ATP6V0A1: variants seen among roughly 807,000 people sequenced by gnomAD.
ATP6V0A1 encodes V-type proton ATPase 116 kDa subunit a 1.
ATP6V0A1 carries 43 observed loss-of-function variants against 105.4 expected under a neutral mutation model. The observed-to-expected ratio is 0.41, with a 90% CI of 0.32 to 0.53. The LOEUF is 0.53. Among genes scored for constraint, ATP6V0A1 ranks in the 20% least tolerant of loss-of-function variants. The pLI is 0.30. For synonymous variants in ATP6V0A1, 362 were observed against 372.8 expected (o/e 0.97, Z 0.33); for missense variants, 676 against 1,051.1 (o/e 0.64, Z 4.93).
intron 2 of ATP6V0A1, among the ~76,000 whole-genome samples, chr17:42,461,841 C>T (rs962506393): frequency 6.6e-6 from 1 of 152,024 alleles, no homozygotes; most frequent in East Asian, 1.9e-4. Flanking sequence ...TATGTTGTCC[C>T]TCTGCTTAAC....
At position 42,460,589 on chromosome 17, in the gene ATP6V0A1, G is replaced by A. The variant is rs140108252; in HGVS notation, c.-47-259G>A. The stretch of plus-strand genomic sequence containing the variant: ...ATCTGGATACATTCTTATCAGTTGA[G>A]TTGCCCAAAATAATTGTCATTTGAT... On this transcript the variant is annotated intron_variant, in intron 1 of 21. Coordinates refer to ENST00000343619, the MANE Select transcript of ATP6V0A1 (RefSeq NM_001130021.3). Among the ~76,000 whole-genome samples the A allele has an allele frequency of 7.2e-5, 11 of 152,292 alleles. No homozygotes were observed. The East Asian group carries it at 1.3e-3, about 19-fold the overall frequency.
At chr17:42,479,340 A>G (rs1392897270) in intron 7 of ATP6V0A1, among the ~76,000 whole-genome samples, 1 of 152,236 alleles carries the variant, frequency 6.6e-6, no homozygotes, top group East Asian at 1.9e-4. Context: ...AACTTAGTTT[A>G]AGAATAGATA....
At chr17:42,493,763 G>A (rs1391790496) in intron 11 of ATP6V0A1, among the ~76,000 whole-genome samples, 1 of 152,082 alleles carries the variant, frequency 6.6e-6, no homozygotes, top group African/African-American at 2.4e-5. Context: ...GCAGTGAGCT[G>A]TGATGAAACC....
intron 11 of ATP6V0A1, among the ~76,000 whole-genome samples, chr17:42,492,592 G>A (rs988731495): frequency 4.6e-5 from 7 of 151,152 alleles, no homozygotes; most frequent in African/African-American, 1.7e-4. Flanking sequence ...TGTAATCTCA[G>A]CGACTCGGGA....
chr17:42,461,555 G>A (rs957199507), intron 2 of ATP6V0A1, among the ~76,000 whole-genome samples: 4 of 152,012 alleles, frequency 2.6e-5, no homozygotes, highest in South Asian at 2.1e-4. Flanking sequence ...CGGGCGGATC[G>A]GGAGGTCAGG....
intron 17 of ATP6V0A1, among the ~76,000 whole-genome samples, chr17:42,504,322 C>G (rs1285547635): frequency 1.3e-5 from 2 of 152,166 alleles, no homozygotes; most frequent in Non-Finnish European, 2.9e-5. Context: ...CTCTCATCCC[C>G]CTTCCTGTAA....
intron 5 of ATP6V0A1, among the ~76,000 whole-genome samples, chr17:42,473,301 C>T (rs1194730186): frequency 6.6e-6 from 1 of 152,138 alleles, no homozygotes; most frequent in African/African-American, 2.4e-5. Flanking sequence ...TTTTAATGAA[C>T]CTGGAATTCC....
intron 17 of ATP6V0A1, among the ~76,000 whole-genome samples, chr17:42,503,347 G>A (rs1166429275): frequency 6.6e-6 from 1 of 152,170 alleles, no homozygotes; most frequent in Non-Finnish European, 1.5e-5. Flanking sequence ...CTTTTTGAAA[G>A]TGAAAGTTTA....
Position 42,483,141 on chromosome 17 carries a change from A to G in ATP6V0A1, c.810+10A>G. Reference sequence around the variant, plus strand: ...TGATGATCTCCAAATGGTATGCAGAAGGCTGGAGGGAATTTGTTTTTGTGA... The same window carrying G: ...TGATGATCTCCAAATGGTATGCAGAGGGCTGGAGGGAATTTGTTTTTGTGA... On this transcript the variant is annotated intron_variant, in intron 9 of 21. Transcript: ENST00000343619. The G allele has an allele frequency of 6.7e-7, 1 of 1,490,316 alleles. No homozygotes were observed. Among genetic ancestry groups the G allele is most frequent in the South Asian group, 1.4e-5 (1 of 70,460 alleles). The allele number at this position is 1,490,316 out of a possible 1,614,324, so 92.3% of individuals were successfully genotyped here. A position where few individuals can be genotyped will look rare whatever the true frequency, so the allele number is the denominator to read the frequency against.
chr17:42,495,581 C>T (rs1296863750), intron 13 of ATP6V0A1, 45 bp from the exon 14 acceptor site: 1 of 1,471,962 alleles, frequency 6.8e-7, no homozygotes, highest in African/African-American at 1.4e-5. Flanking sequence ...TTGTTGTTTC[C>T]CTCTCTTGTT....
At chr17:42,495,850 C>T in intron 14 of ATP6V0A1, 134 bp downstream of exon 14, 4 of 734,650 alleles carry the variant, frequency 5.4e-6, no homozygotes, top group Admixed American at 2.5e-5. Context: ...AATCCCAGCA[C>T]TTTGGGAGGC....
In ATP6V0A1 at chr17:42,499,000, T is replaced by C. The variant is rs1194463764; in HGVS notation, c.1637T>C (p.Ile546Thr). 1 of 1,613,548 alleles carries C rather than the reference T, an allele frequency of 6.2e-7. No homozygotes were observed. The highest frequency in any genetic ancestry group is 8.5e-7 in the Non-Finnish European group (1 of 1,179,588). ...AAGATGTCTGTTATCCTTGGTATCATCCATATGCTGTTTGGAGTCAGCCTG... is the reference window on the plus strand; with the variant it reads ...AAGATGTCTGTTATCCTTGGTATCACCCATATGCTGTTTGGAGTCAGCCTG... ...KMKMSVILGI[I>T]HMLFGVSLSL... is the part of the protein sequence containing the mutation. The change falls in exon 15 of 22, where the codon ATC becomes ACC. Residue 546 changes from isoleucine to threonine, a missense_variant. Ile to Thr is a moderately conservative substitution (Grantham distance 89, BLOSUM62 -1). This residue lies in a region of ATP6V0A1 where 435 missense variants were observed against 642.2 expected (regional missense o/e 0.68). Coordinates refer to ENST00000343619, the MANE Select transcript of ATP6V0A1 (RefSeq NM_001130021.3).
At chr17:42,513,149 A>G (rs2092431744) in intron 19 of ATP6V0A1, among the ~76,000 whole-genome samples, 1 of 152,208 alleles carries the variant, frequency 6.6e-6, no homozygotes, top group Non-Finnish European at 1.5e-5. Context: ...GAAAACAAAC[A>G]AGAAACTGGA....
At position 42,461,007 on chromosome 17, in the gene ATP6V0A1, G is replaced by A. The variant is rs779408907; in HGVS notation, c.113G>A (p.Arg38His). Reference sequence around the variant, plus strand: ...GGAGAACTTGGAAAGGTTCAGTTTCGTGACGTAAGTAGTTGTGGGGCTGCG... The same window carrying A: ...GGAGAACTTGGAAAGGTTCAGTTTCATGACGTAAGTAGTTGTGGGGCTGCG... ...ELGELGKVQF[R>H]DLNPDVNVFQ... The change falls in exon 2 of 22, where the codon CGT becomes CAT. Residue 38 changes from arginine to histidine, a missense_variant. Physicochemically the swap from Arg to His is conservative, Grantham distance 29. This residue lies in a region of ATP6V0A1 where 239 missense variants were observed against 388.4 expected (regional missense o/e 0.62). Coordinates refer to ENST00000343619, the MANE Select transcript of ATP6V0A1 (RefSeq NM_001130021.3). 5.6e-6 allele frequency: 9 copies of A among 1,612,518 alleles called. No homozygotes were observed. Among genetic ancestry groups the A allele is most frequent in the South Asian group, 4.4e-5 (4 of 91,056 alleles).
Position 42,495,171 on chromosome 17 carries a change from G to C in ATP6V0A1, c.1452G>C (p.Met484Ile). The change falls in exon 13 of 22, where the codon ATG becomes ATC. Residue 484 changes from methionine to isoleucine, a missense_variant. Met to Ile is a conservative substitution (Grantham distance 10). Around this residue, in one of 3 missense-constraint regions of ATP6V0A1, gnomAD observed 435 missense variants for 642.2 expected, o/e 0.68. Coordinates refer to ENST00000343619, the MANE Select transcript of ATP6V0A1 (RefSeq NM_001130021.3). Reference sequence around the variant, plus strand: ...GGTCATCCTGGAGTGTACGGCCGATGTTTACTTATAATTGGACGTAAGTTG... The same window carrying C: ...GGTCATCCTGGAGTGTACGGCCGATCTTTACTTATAATTGGACGTAAGTTG... The part of the protein sequence containing the change: ...IFGSSWSVRP[M>I]FTYNWTEETL... 1 of 1,614,010 alleles carries C rather than the reference G, an allele frequency of 6.2e-7. No homozygotes were observed.
intron 1 of ATP6V0A1, 71 bp from the exon 2 acceptor site, chr17:42,460,777 G>A (rs992224087): frequency 7.9e-6 from 6 of 763,796 alleles, no homozygotes; most frequent in East Asian, 5.0e-5. Flanking sequence ...TGCAAGAGCC[G>A]TAGTGGGGTG....
chr17:42,498,794 C>G (rs2091420006), intron 14 of ATP6V0A1, 130 bp from the exon 15 acceptor site: 7 of 597,908 alleles, frequency 1.2e-5, no homozygotes, highest in South Asian at 2.0e-5. Flanking sequence ...CCACTGCACT[C>G]CAGCCTGGGT....
chr17:42,483,235 C>A, intron 9 of ATP6V0A1, 104 bp downstream of exon 9: 1 of 840,524 alleles, frequency 1.2e-6, no homozygotes, highest in Non-Finnish European at 1.7e-6. Context: ...TGTAGCAAAC[C>A]AGGATACCAA....
At chr17:42,484,531 C>G (rs1348293845) in intron 9 of ATP6V0A1, among the ~76,000 whole-genome samples, 1 of 152,174 alleles carries the variant, frequency 6.6e-6, no homozygotes. Flanking sequence ...CTTAACCACA[C>G]AGACTAGCCA....
Sources: allele counts gnomAD v4.1 joint callset (sites outside exome capture counted in the v4.1 genomes callset), GRCh38; gene constraint gnomAD v4.1.1; regional missense constraint gnomAD v4.1.1; transcripts MANE v1.5; gene names NCBI Gene and HGNC (gene_info 2026-07-23, HGNC 2026-07-21).